The following ATF6 variants were observed in gnomAD, a reference collection of about 807,000 sequenced individuals.
The protein encoded by ATF6 is cyclic AMP-dependent transcription factor ATF-6 alpha.
A neutral mutation model predicts 83.6 loss-of-function variants in ATF6; 53 were observed. The ratio of observed to expected loss-of-function variants is 0.63; its 90% CI spans 0.51 to 0.80. The LOEUF (loss-of-function observed/expected upper bound fraction) is 0.80. Among genes scored for constraint, ATF6 ranks in the 30% least tolerant of loss-of-function variants. ATF6 has a pLI of 0.00. For synonymous variants in ATF6, 288 were observed against 285.8 expected (o/e 1.01, Z -0.08); for missense variants, 744 against 797.9 (o/e 0.93, Z 0.81).
intron 15 of ATF6, among the ~76,000 whole-genome samples, chr1:161,932,817 A>G (rs776323763): frequency 3.9e-5 from 6 of 152,182 alleles, no homozygotes; most frequent in Admixed American, 6.5e-5. Context: ...TCTATGTGCA[A>G]GCTCACTCGT....
intron 9 of ATF6, among the ~76,000 whole-genome samples, chr1:161,837,207 T>C (rs1052346556): frequency 6.6e-6 from 1 of 152,226 alleles, no homozygotes; most frequent in African/African-American, 2.4e-5. Flanking sequence ...AGCTTTTGAA[T>C]GTACAGAAGT....
At chr1:161,837,502 C>T (rs1686252239) in intron 9 of ATF6, among the ~76,000 whole-genome samples, 1 of 152,126 alleles carries the variant, frequency 6.6e-6, no homozygotes, top group African/African-American at 2.4e-5. Flanking sequence ...TCTGAGGAGC[C>T]AGAAGTACGG....
chr1:161,941,845 C>G (rs1215627915), intron 15 of ATF6, among the ~76,000 whole-genome samples: 2 of 152,096 alleles, frequency 1.3e-5, no homozygotes, highest in African/African-American at 2.4e-5. Context: ...CCAAATTTTC[C>G]CCTTTGGAAC....
intron 14 of ATF6, among the ~76,000 whole-genome samples, chr1:161,897,972 C>G (rs569735267): frequency 6.6e-6 from 1 of 152,274 alleles, no homozygotes; most frequent in South Asian, 2.1e-4. Context: ...TCTAAGGTAA[C>G]TGAGATGATC....
At chr1:161,924,504 A>C (rs1251251552) in intron 15 of ATF6, among the ~76,000 whole-genome samples, 1 of 152,238 alleles carries the variant, frequency 6.6e-6, no homozygotes, top group Non-Finnish European at 1.5e-5. Flanking sequence ...GGGGATCTTG[A>C]GTACATCAGA....
chr1:161,878,326 G>A (rs1687259803), intron 14 of ATF6, among the ~76,000 whole-genome samples: 1 of 152,036 alleles, frequency 6.6e-6, no homozygotes, highest in Non-Finnish European at 1.5e-5. Context: ...TGTTGGCCAA[G>A]CTGGTCTTGA....
At chr1:161,810,506 G>T (rs1685429540) in intron 7 of ATF6, among the ~76,000 whole-genome samples, 1 of 152,086 alleles carries the variant, frequency 6.6e-6, no homozygotes, top group South Asian at 2.1e-4. Context: ...CACAAATCTA[G>T]ATCATATCAC....
chr1:161,802,819 G>A (rs1685188907), intron 7 of ATF6, among the ~76,000 whole-genome samples: 1 of 152,074 alleles, frequency 6.6e-6, no homozygotes, highest in Admixed American at 6.5e-5. Flanking sequence ...AAATTTTCTA[G>A]CATGTTGTAG....
Position 161,958,613 on chromosome 1 carries a change from G to T in ATF6, c.1972G>T (p.Ala658Ser). ...FFGSPPAATE[A>S]THVVSTIPES... The stretch of plus-strand genomic sequence containing the variant: ...TGGCTCCCCTCCCGCAGCCACAGAG[G>T]CAACCCACGTTGTCAGCACCATCCC... Residue 658 changes from alanine to serine, a missense_variant, in exon 16 of 16, where the codon GCA becomes TCA. Ala to Ser is a moderately conservative substitution (Grantham distance 99). Coordinates refer to ENST00000367942, the MANE Select transcript of ATF6 (RefSeq NM_007348.4). The T allele has an allele frequency of 6.2e-7, 1 of 1,613,740 alleles. No individual in the cohort carries two copies. Among genetic ancestry groups the T allele is most frequent in the African/African-American group, 1.3e-5 (1 of 74,946 alleles).
chr1:161,926,084 G>A (rs1016711232), intron 15 of ATF6, among the ~76,000 whole-genome samples: 6 of 152,070 alleles, frequency 3.9e-5, no homozygotes, highest in Non-Finnish European at 8.8e-5. Flanking sequence ...ATTTTGAGCA[G>A]GGAAGAGGCA....
At chr1:161,780,320 C>A (rs1473417306) in intron 2 of ATF6, among the ~76,000 whole-genome samples, 2 of 151,958 alleles carry the variant, frequency 1.3e-5, no homozygotes, top group African/African-American at 4.8e-5. Flanking sequence ...ATGGTCGTTA[C>A]CAATTACTAG....
intron 9 of ATF6, among the ~76,000 whole-genome samples, chr1:161,835,812 C>T (rs182809186): frequency 2.2e-3 from 336 of 152,228 alleles, no homozygotes; most frequent in African/African-American, 7.8e-3. Flanking sequence ...ATGTTTTCCC[C>T]TTTCTATTTT....
intron 9 of ATF6, among the ~76,000 whole-genome samples, chr1:161,824,166 A>G (rs1163901368): frequency 1.3e-5 from 2 of 152,068 alleles, no homozygotes; most frequent in Admixed American, 6.6e-5. Flanking sequence ...TGGATCAAAA[A>G]TGTTATTGTT....
At chr1:161,845,605 T>G (rs1686466092) in intron 9 of ATF6, among the ~76,000 whole-genome samples, 1 of 151,794 alleles carries the variant, frequency 6.6e-6, no homozygotes, top group Non-Finnish European at 1.5e-5. Flanking sequence ...TCATTTCTAC[T>G]AAAATTAAAA....
At chr1:161,853,728 C>A (rs1257251381) in intron 12 of ATF6, among the ~76,000 whole-genome samples, 1 of 152,168 alleles carries the variant, frequency 6.6e-6, no homozygotes, top group African/African-American at 2.4e-5. Context: ...ATGAAGACAT[C>A]CATTTCTGAA....
intron 6 of ATF6, among the ~76,000 whole-genome samples, chr1:161,799,331 A>G (rs1685090133): frequency 6.6e-6 from 1 of 151,984 alleles, no homozygotes; most frequent in Admixed American, 6.6e-5. Flanking sequence ...ATGCAGGAAC[A>G]GAAAACCAAA....
At chr1:161,834,982 T>A (rs1686176881) in intron 9 of ATF6, among the ~76,000 whole-genome samples, 1 of 152,228 alleles carries the variant, frequency 6.6e-6, no homozygotes, top group African/African-American at 2.4e-5. Context: ...CTGCAGCTCC[T>A]GATGGGATGC....
intron 14 of ATF6, among the ~76,000 whole-genome samples, chr1:161,910,995 A>G (rs1391614314): frequency 1.3e-5 from 2 of 152,208 alleles, no homozygotes; most frequent in Non-Finnish European, 1.5e-5. Flanking sequence ...CTGTTCATGT[A>G]TATCAATTTC....
chr1:161,785,516 T>A (rs1684724405), intron 4 of ATF6, among the ~76,000 whole-genome samples: 1 of 152,228 alleles, frequency 6.6e-6, no homozygotes, highest in African/African-American at 2.4e-5. Flanking sequence ...TGCTACATAA[T>A]GTTTCATTGC....
Sources: gnomAD v4.1 joint callset for allele counts (sites outside exome capture counted in the v4.1 genomes callset) on GRCh38, gnomAD v4.1.1 for gene constraint, MANE v1.5 for transcripts, NCBI Gene and HGNC (gene_info 2026-07-23, HGNC 2026-07-21) for gene names.